Variants in KHDRBS3 observed in about 807,000 individuals in gnomAD.
KHDRBS3 encodes KH RNA binding domain containing, signal transduction associated 3.
Under a neutral mutation model 45.6 loss-of-function variants are expected in KHDRBS3, and 23 were observed. The observed-to-expected ratio is 0.50, with a 90% CI of 0.36 to 0.72. KHDRBS3 has a LOEUF of 0.72. KHDRBS3 is among the 30% of genes least tolerant of loss of function. The probability of loss-of-function intolerance (pLI) is 0.00; values close to 1 mark genes in which losing one functional copy is unlikely to be tolerated. For missense variants in KHDRBS3, 352 were observed against 424.8 expected (o/e 0.83, Z 1.51); for synonymous variants, 162 against 156.5 (o/e 1.04, Z -0.26).
chr8:135,591,872 C>T (rs1828759274), intron 6 of KHDRBS3, among the ~76,000 whole-genome samples: 2 of 152,158 alleles, frequency 1.3e-5, no homozygotes, highest in Non-Finnish European at 1.5e-5. Flanking sequence ...GCAGTGACTA[C>T]TCACATAATT....
chr8:135,503,738 C>G (rs1389979519), intron 1 of KHDRBS3, among the ~76,000 whole-genome samples: 1 of 152,092 alleles, frequency 6.6e-6, no homozygotes, highest in Non-Finnish European at 1.5e-5. Context: ...CCTCCAACTT[C>G]AGGTTCAAAA....
chr8:135,481,228 A>ATG (rs747093918), intron 1 of KHDRBS3, among the ~76,000 whole-genome samples: 919 of 55,766 alleles, frequency 0.016, 16 homozygotes, highest in Admixed American at 0.038. Flanking sequence ...GCCACGATAT[A>ATG]TATATATATA....
chr8:135,493,734 G>A (rs1226196506), intron 1 of KHDRBS3, among the ~76,000 whole-genome samples: 1 of 151,990 alleles, frequency 6.6e-6, no homozygotes, highest in Admixed American at 6.6e-5. Flanking sequence ...GAGGAATGTT[G>A]GTATGTAGTT....
At chr8:135,532,625 A>G (rs1825538049) in intron 2 of KHDRBS3, among the ~76,000 whole-genome samples, 1 of 152,164 alleles carries the variant, frequency 6.6e-6, no homozygotes, top group Non-Finnish European at 1.5e-5. Context: ...TAACTCATTT[A>G]ATCTTTATAA....
At chr8:135,584,875 G>C (rs139403678) in intron 6 of KHDRBS3, among the ~76,000 whole-genome samples, 1 of 152,016 alleles carries the variant, frequency 6.6e-6, no homozygotes. Context: ...CACCCATCAC[G>C]CTTAGTTTTG....
intron 4 of KHDRBS3, chr8:135,549,544 T>C (rs1459173472): frequency 6.6e-6 from 1 of 152,250 alleles, no homozygotes; most frequent in African/African-American, 2.4e-5. Context: ...AATACATCTC[T>C]ACCTCTGTTA....
intron 1 of KHDRBS3, among the ~76,000 whole-genome samples, chr8:135,478,933 A>G (rs1378781038): frequency 1.3e-5 from 2 of 152,334 alleles, no homozygotes; most frequent in Non-Finnish European, 2.9e-5. Context: ...AGCAGAATGA[A>G]GGAAATAACA....
chr8:135,531,156 C>CTG (rs1320202651), intron 2 of KHDRBS3, among the ~76,000 whole-genome samples: 1 of 152,036 alleles, frequency 6.6e-6, no homozygotes, highest in Non-Finnish European at 1.5e-5. Context: ...TTGCGTGTGC[C>CTG]TGTGTGTGTG....
intron 5 of KHDRBS3, among the ~76,000 whole-genome samples, chr8:135,560,044 C>T (rs1011263119): frequency 2.0e-5 from 3 of 152,072 alleles, no homozygotes; most frequent in African/African-American, 7.2e-5. Flanking sequence ...AGCCAGACCC[C>T]ATCTCTGCAA....
chr8:135,507,011 C>T (rs1824034211), intron 1 of KHDRBS3, among the ~76,000 whole-genome samples: 1 of 152,086 alleles, frequency 6.6e-6, no homozygotes, highest in African/African-American at 2.4e-5. Context: ...TTTATGGAGC[C>T]TTTTAGACAT....
chr8:135,486,500 A>G (rs999029758), intron 1 of KHDRBS3, among the ~76,000 whole-genome samples: 46 of 152,352 alleles, frequency 3.0e-4, no homozygotes, highest in African/African-American at 1.1e-3. Flanking sequence ...AACAGATGCT[A>G]TCTTCATTTT....
At chr8:135,519,014 A>G (rs1708040259) in intron 1 of KHDRBS3, among the ~76,000 whole-genome samples, 2 of 152,210 alleles carry the variant, frequency 1.3e-5, no homozygotes, top group South Asian at 4.1e-4. Context: ...GGTTCCACTT[A>G]AAATTAATTT....
At chr8:135,573,605 G>A (rs1293612375) in intron 5 of KHDRBS3, among the ~76,000 whole-genome samples, 2 of 152,184 alleles carry the variant, frequency 1.3e-5, no homozygotes, top group East Asian at 3.9e-4. Context: ...TGACAGAACT[G>A]CATTTGAGTA....
intron 2 of KHDRBS3, among the ~76,000 whole-genome samples, chr8:135,531,071 C>G (rs953871666): frequency 2.6e-5 from 4 of 152,162 alleles, no homozygotes; most frequent in Non-Finnish European, 4.4e-5. Context: ...CCACACACTT[C>G]CTCCTGGAAT....
chr8:135,638,295 G>T (rs575467500), intron 7 of KHDRBS3, among the ~76,000 whole-genome samples: 1 of 152,104 alleles, frequency 6.6e-6, no homozygotes, highest in Non-Finnish European at 1.5e-5. Flanking sequence ...GCCAAACCTC[G>T]GGTAGTCCCA....
At chr8:135,509,242 G>T (rs7814019) in intron 1 of KHDRBS3, among the ~76,000 whole-genome samples, 1 of 152,074 alleles carries the variant, frequency 6.6e-6, no homozygotes, top group Non-Finnish European at 1.5e-5. Flanking sequence ...TTCTTGGAAG[G>T]TTTTATTTTG....
chr8:135,563,531 A>G (rs1392514596), intron 5 of KHDRBS3, among the ~76,000 whole-genome samples: 1 of 152,138 alleles, frequency 6.6e-6, no homozygotes, highest in Non-Finnish European at 1.5e-5. Flanking sequence ...TTATTTATTC[A>G]CGTTGTCATT....
intron 7 of KHDRBS3, among the ~76,000 whole-genome samples, chr8:135,643,483 G>A (rs1831150291): frequency 6.6e-6 from 1 of 152,286 alleles, no homozygotes; most frequent in Admixed American, 6.5e-5. Context: ...TTAGGTTAAG[G>A]GCTTGAGTTG....
chr8:135,603,209 C>G (rs1829296936), intron 6 of KHDRBS3, among the ~76,000 whole-genome samples: 1 of 152,198 alleles, frequency 6.6e-6, no homozygotes. Flanking sequence ...CTGTCTCCCA[C>G]TACACCTCAT....
Sources: gnomAD v4.1 joint callset for allele counts (sites outside exome capture counted in the v4.1 genomes callset) on GRCh38, gnomAD v4.1.1 for gene constraint, MANE v1.5 for transcripts, NCBI Gene and HGNC (gene_info 2026-07-23, HGNC 2026-07-21) for gene names.